The following STEAP3 variants were observed in gnomAD, a reference collection of about 807,000 sequenced individuals.
The protein encoded by STEAP3 is metalloreductase STEAP3.
STEAP3 carries 35 observed loss-of-function variants against 34.9 expected under a neutral mutation model. That is an observed-to-expected ratio of 1.00 (90% confidence interval 0.76 to 1.33). STEAP3 has a LOEUF of 1.33. Ranked by LOEUF, STEAP3 falls within the 40% of genes most tolerant of loss-of-function variation. STEAP3 has a pLI of 0.00. For synonymous variants in STEAP3, 281 were observed against 301.6 expected, an observed-to-expected ratio of 0.93 and a Z score of 0.71; for missense variants, 652 against 667.6, an observed-to-expected ratio of 0.98 and a Z score of 0.26.
Position 119,230,783 on chromosome 2 carries a change from C to T in STEAP3, c.-230C>T, listed in dbSNP as rs1015169254. ...TGCGCTCTCTCAGTGCACTCTCCAA[C>T]CAAGCATCAGTCACCACTCCCGGTC... On this transcript the variant is annotated 5_prime_UTR_variant, in exon 2 of 6. Coordinates refer to ENST00000393110, the MANE Select transcript of STEAP3 (RefSeq NM_182915.3). 1.6e-6 allele frequency: 1 copy of T among 616,228 alleles called. No homozygotes were observed. The highest frequency in any genetic ancestry group is 1.8e-5 in the African/African-American group (1 of 54,646). 38.2% of individuals were successfully genotyped at this position (616,228 alleles called of 1,614,324 possible).
chr2:119,253,721 G>A (rs1677692040), intron 4 of STEAP3, among the ~76,000 whole-genome samples: 1 of 152,214 alleles, frequency 6.6e-6, no homozygotes, highest in African/African-American at 2.4e-5. Flanking sequence ...GCGAGTGAGT[G>A]TTGGCTGGGC....
intron 4 of STEAP3, among the ~76,000 whole-genome samples, chr2:119,252,999 C>T (rs3754847): frequency 0.34 from 52,156 of 152,106 alleles, 9,877 homozygotes; most frequent in Non-Finnish European, 0.44. Flanking sequence ...CAACTTCCAG[C>T]GAGGAGATGA....
At chr2:119,255,403 T>G (rs568159283) in intron 5 of STEAP3, among the ~76,000 whole-genome samples, 1 of 152,146 alleles carries the variant, frequency 6.6e-6, no homozygotes, top group Non-Finnish European at 1.5e-5. Flanking sequence ...ATGCCATTCC[T>G]ATGAAAAAAT....
At position 119,247,833 on chromosome 2, in the gene STEAP3, C is replaced by T. The variant is rs142093432; in HGVS notation, c.677C>T (p.Thr226Ile). The part of the protein sequence containing the change: ...LRLLPAWKVP[T>I]LLALGLFVCF... Reference sequence around the variant, plus strand: ...CTCCTCCCGGCCTGGAAGGTGCCCACCCTGCTGGCCCTGGGGCTCTTCGTC... The same window carrying T: ...CTCCTCCCGGCCTGGAAGGTGCCCATCCTGCTGGCCCTGGGGCTCTTCGTC... Residue 226 changes from threonine (T) to isoleucine (I), a missense_variant, in exon 4 of 6, where the codon ACC becomes ATC. Thr to Ile is a moderately conservative substitution (Grantham distance 89). Transcript: ENST00000393110. 3,138 of 1,613,284 alleles carry T rather than the reference C, an allele frequency of 1.9e-3. 4 individuals are homozygous for T. The highest frequency in any genetic ancestry group is 2.3e-3 in the Non-Finnish European group (2,701 of 1,180,008).
At chr2:119,243,623 G>A (rs576958076) in intron 2 of STEAP3, among the ~76,000 whole-genome samples, 2 of 152,330 alleles carry the variant, frequency 1.3e-5, no homozygotes, top group African/African-American at 4.8e-5. Context: ...TCCATTAATA[G>A]GAACTGCTGC....
chr2:119,248,185 G>A lies in STEAP3; in HGVS notation c.1029G>A (p.Leu343=), dbSNP rs1677506752. The change falls in exon 4 of 6, where the codon CTG becomes CTA. Residue 343 remains leucine (L), a synonymous_variant. Transcript: ENST00000393110. ...LPLRRAHRYD[L]VNLAVKQVLA... ...TGCGCCGCGCCCACCGCTACGACCT[G>A]GTCAACCTGGCAGTCAAGCAGGTAC... The A allele has an allele frequency of 1.3e-6, 2 of 1,591,476 alleles. No individual in the cohort carries two copies. The highest frequency in any genetic ancestry group is 1.1e-5 in the South Asian group (1 of 89,856).
chr2:119,226,858 T>C (rs1275621302), intron 1 of STEAP3, among the ~76,000 whole-genome samples: 1 of 152,180 alleles, frequency 6.6e-6, no homozygotes, highest in Admixed American at 6.5e-5. Flanking sequence ...TGGAGACTCT[T>C]AGGAGGTCGA....
intron 1 of STEAP3, among the ~76,000 whole-genome samples, chr2:119,228,474 G>T (rs1223527534): frequency 2.0e-5 from 3 of 152,206 alleles, no homozygotes; most frequent in Non-Finnish European, 4.4e-5. Flanking sequence ...TGGGTGAAAG[G>T]CCAGAGCAGC....
chr2:119,231,342 C>CGTGTGTGTGTGTGTGT lies in STEAP3; in HGVS notation c.22+335_22+350dup, dbSNP rs6146901. 3.8e-3 allele frequency among the ~76,000 whole-genome samples: 541 copies of CGTGTGTGTGTGTGTGT among 143,592 alleles called. 13 individuals are homozygous for CGTGTGTGTGTGTGTGT. The highest frequency in any genetic ancestry group is 0.013 in the East Asian group (62 of 4,750). 94.2% of individuals were successfully genotyped at this position (143,592 alleles called of 152,430 possible). A position where few individuals can be genotyped will look rare whatever the true frequency, so the allele number is the denominator to read the frequency against. Reference sequence around the variant, plus strand: ...TTCAAGGATTTATCACACACAGTTGCGTGTGTGTGTGTGTGTGTGTGTGTG... The same window carrying CGTGTGTGTGTGTGTGT: ...TTCAAGGATTTATCACACACAGTTGCGTGTGTGTGTGTGTGTGTGTGTGTGTGTGTGTGTGTGTGTG... On this transcript the variant is annotated intron_variant, in intron 2 of 5. Transcript: ENST00000393110.
In STEAP3 at chr2:119,263,148, T is replaced by G; in HGVS notation, c.1307T>G (p.Phe436Cys). The G allele has an allele frequency of 6.2e-7, 1 of 1,614,068 alleles. No homozygotes were observed. Among genetic ancestry groups the G allele is most frequent in the Admixed American group, 1.7e-5 (1 of 60,028 alleles). ...GCCTTCGAGGAGAGCCGCTACAAGT[T>G]CTACCTGCCTCCCACCTTCACGCTC... The part of the protein sequence containing the change: ...TRAFEESRYK[F>C]YLPPTFTLTL... Residue 436 changes from phenylalanine (F) to cysteine (C), a missense_variant, in exon 6 of 6, where the codon TTC (phenylalanine) becomes TGC (cysteine). Physicochemically the swap from Phe to Cys is radical, Grantham distance 205 (BLOSUM62 -2). Coordinates refer to ENST00000393110, the MANE Select transcript of STEAP3 (RefSeq NM_182915.3).
intron 4 of STEAP3, among the ~76,000 whole-genome samples, chr2:119,252,721 G>A (rs1174610382): frequency 9.9e-5 from 15 of 152,126 alleles, no homozygotes; most frequent in Admixed American, 9.2e-4. Flanking sequence ...GGTTTAATAG[G>A]CTGGCTGAGA....
In STEAP3 at chr2:119,247,986, T is replaced by C. The variant is rs142031679; in HGVS notation, c.830T>C (p.Leu277Pro). 191 of 1,612,626 alleles carry C rather than the reference T, an allele frequency of 1.2e-4. No homozygotes were observed. The African/African-American group carries it at 2.4e-3, about 20-fold the overall frequency. The part of the protein sequence containing the change: ...TTLPCVAYVL[L>P]SLVYLPGVLA... ...CTGCCGTGCGTGGCCTACGTGCTGC[T>C]GTCACTCGTGTACTTGCCCGGCGTG... Residue 277 changes from leucine to proline, a missense_variant, in exon 4 of 6, where the codon CTG (leucine) becomes CCG (proline). By Grantham distance (98) the Leu-to-Pro change is moderately conservative (BLOSUM62 -3). Transcript: ENST00000393110.
intron 1 of STEAP3, among the ~76,000 whole-genome samples, chr2:119,228,808 A>G (rs865108): frequency 0.44 from 67,312 of 151,868 alleles, 15,019 homozygotes; most frequent in Non-Finnish European, 0.47. Flanking sequence ...TGAGAGGAGG[A>G]GAAGTCTCAA....
rs529373513 is a variant in STEAP3, at chr2:119,229,330, CT to C, written c.-393-1289del. Among the ~76,000 whole-genome samples the C allele has an allele frequency of 2.0e-3, 303 of 152,242 alleles. 2 individuals carry two copies. The highest frequency in any genetic ancestry group is 3.4e-3 in the Non-Finnish European group (228 of 68,012). ...GCTAATTTTTGTATTATTAGTTCAC[CT>C]AAGCAGAGAGCGATGTGAGGGGCTG... is the stretch of plus-strand genomic sequence containing the variant. On this transcript the variant is annotated intron_variant, in intron 1 of 5. Coordinates refer to ENST00000393110, the MANE Select transcript of STEAP3 (RefSeq NM_182915.3).
intron 1 of STEAP3, among the ~76,000 whole-genome samples, chr2:119,227,810 GTATTTATT>G (rs57135393): frequency 4.1e-4 from 60 of 145,360 alleles, no homozygotes; most frequent in African/African-American, 1.2e-3. Flanking sequence ...CCCATTTCTT[GTATTTATT>G]TATTTATTTA....
intron 5 of STEAP3, among the ~76,000 whole-genome samples, chr2:119,261,996 G>A (rs1054758626): frequency 6.6e-6 from 1 of 152,164 alleles, no homozygotes; most frequent in South Asian, 2.1e-4. Flanking sequence ...TAGGCCCAGC[G>A]GGGTTTCCAC....
At chr2:119,250,558 C>T (rs945023964) in intron 4 of STEAP3, among the ~76,000 whole-genome samples, 1 of 152,178 alleles carries the variant, frequency 6.6e-6, no homozygotes, top group African/African-American at 2.4e-5. Context: ...CTGCCCAGGA[C>T]GGGGCAGATC....
chr2:119,242,313 C>A lies in STEAP3; in HGVS notation c.23-3176C>A, dbSNP rs181056487. Among the ~76,000 whole-genome samples, 586 of 152,324 alleles carry A rather than the reference C, an allele frequency of 3.8e-3. 1 individual carries two copies. Among genetic ancestry groups the A allele is most frequent in the Non-Finnish European group, 5.9e-3 (399 of 68,026 alleles). The stretch of plus-strand genomic sequence containing the variant: ...TCTTCCTCCCCATCAGGGCAAAACT[C>A]CCCGGGGGCTTGTGTCTCCCTGTGG... On this transcript the variant is annotated intron_variant, in intron 2 of 5. Coordinates refer to ENST00000393110, the MANE Select transcript of STEAP3 (RefSeq NM_182915.3).
chr2:119,251,176 G>T (rs1466801940), intron 4 of STEAP3, among the ~76,000 whole-genome samples: 1 of 152,166 alleles, frequency 6.6e-6, no homozygotes, highest in Non-Finnish European at 1.5e-5. Context: ...GGTGGCTCAG[G>T]CTTGATGTGT....
Sources: gnomAD v4.1 joint callset for allele counts (sites outside exome capture counted in the v4.1 genomes callset) on GRCh38, gnomAD v4.1.1 for gene constraint, MANE v1.5 for transcripts, NCBI Gene and HGNC (gene_info 2026-07-23, HGNC 2026-07-21) for gene names.